The following ASMTL variants were observed in gnomAD, a reference collection of about 807,000 sequenced individuals.
ASMTL encodes the protein probable bifunctional dTTP/UTP pyrophosphatase/methyltransferase protein.
Under a neutral mutation model 60.3 loss-of-function variants are expected in ASMTL, and 57 were observed. That is an observed-to-expected ratio of 0.95 (90% CI 0.76 to 1.18). The LOEUF (loss-of-function observed/expected upper bound fraction) is 1.18, where lower values mean the gene tolerates loss of function less well. ASMTL is among the 50% of genes most tolerant of loss of function. ASMTL has a pLI of 0.00. For synonymous variants in ASMTL, 419 were observed against 373.0 expected (o/e 1.12, Z -1.42); for missense variants, 981 against 852.6 (o/e 1.15, Z -1.88).
rs1464623390 is a variant in ASMTL, at chrX:1,403,303, A to G, written c.1832T>C (p.Leu611Pro). The G allele has an allele frequency of 6.2e-7, 1 of 1,613,138 alleles. No homozygotes were observed. The change falls in exon 13 of 13, where the codon CTG becomes CCG. Residue 611 changes from leucine (L) to proline (P), a missense_variant. Leu to Pro is a moderately conservative substitution (Grantham distance 98, BLOSUM62 -3). Transcript: ENST00000381317. The part of the protein sequence containing the change: ...QVQVVHLGGV[L>P]DAILATKVAP ...CACTTTGGTGGCCAAGATGGCATCC[A>G]GGACACCCCCCAAGTGCACCACCTG...
chrX:1,423,015 C>T (rs1210593197), intron 8 of ASMTL, among the ~76,000 whole-genome samples: 14 of 152,048 alleles, frequency 9.2e-5, no homozygotes, highest in Non-Finnish European at 1.5e-4. Context: ...TGCAGTGGCA[C>T]GATCTCAGCT....
chrX:1,452,863 C>T lies in ASMTL; in HGVS notation c.-23G>A, dbSNP rs766193145. 11 of 1,536,874 alleles carry T rather than the reference C, an allele frequency of 7.2e-6. No individual in the cohort carries two copies. The highest frequency in any genetic ancestry group is 7.2e-5 in the South Asian group (6 of 83,862). Reference sequence around the variant, plus strand: ...CATGGCGTCCACGCCGGGAGCCGGGCGTCCGCACTTCTGAGCCCGGAGCCC... The same window carrying T: ...CATGGCGTCCACGCCGGGAGCCGGGTGTCCGCACTTCTGAGCCCGGAGCCC... On this transcript the variant is annotated 5_prime_UTR_variant, in exon 1 of 13. Transcript: ENST00000381317.
intron 2 of ASMTL, among the ~76,000 whole-genome samples, chrX:1,439,768 G>A (rs774001455): frequency 2.6e-5 from 4 of 151,176 alleles, no homozygotes; most frequent in African/African-American, 7.3e-5. Context: ...CCTAGGAGGC[G>A]GAGGTTGCAG....
chrX:1,404,385 ATGGG>A (rs1489513905), intron 12 of ASMTL, among the ~76,000 whole-genome samples: 1 of 147,216 alleles, frequency 6.8e-6, no homozygotes, highest in Non-Finnish European at 1.5e-5. Flanking sequence ...ATGGTAGATG[ATGGG>A]TAGGTAGGTG....
At chrX:1,406,427 AGATG>A (rs1433657889) in intron 12 of ASMTL, among the ~76,000 whole-genome samples, 96 of 147,892 alleles carry the variant, frequency 6.5e-4, no homozygotes, top group Non-Finnish European at 1.1e-3. Context: ...TGCATGGATG[AGATG>A]GATGGAGGGA....
At chrX:1,405,843 ATAGG>A (rs1322819654) in intron 12 of ASMTL, among the ~76,000 whole-genome samples, 3 of 139,566 alleles carry the variant, frequency 2.1e-5, no homozygotes, top group Admixed American at 7.1e-5. Context: ...TGATGGGTAC[ATAGG>A]TAGATGGATG....
At chrX:1,413,054 C>T (rs189542436) in intron 11 of ASMTL, 200 bp from the exon 12 acceptor site, 337 of 619,852 alleles carry the variant, frequency 5.4e-4, no homozygotes, top group African/African-American at 3.6e-3. Flanking sequence ...ATGTCACGCC[C>T]GTGCGGTTTG....
intron 6 of ASMTL, among the ~76,000 whole-genome samples, chrX:1,431,210 TTAA>T (rs1256094319): frequency 2.6e-5 from 3 of 115,756 alleles, no homozygotes; most frequent in African/African-American, 9.4e-5. Context: ...TCATTTATAA[TTAA>T]TTATATATAA....
intron 2 of ASMTL, 184 bp downstream of exon 2, chrX:1,442,001 AT>A: frequency 1.5e-6 from 1 of 664,982 alleles, no homozygotes; most frequent in Non-Finnish European, 2.7e-6. Context: ...TTAATTCTGT[AT>A]CATTAATGGT....
intron 6 of ASMTL, among the ~76,000 whole-genome samples, chrX:1,429,870 A>G (rs770801397): frequency 6.6e-6 from 1 of 152,242 alleles, no homozygotes; most frequent in African/African-American, 2.4e-5. Flanking sequence ...CAAGCCAATT[A>G]TCCCATCGAG....
intron 3 of ASMTL, among the ~76,000 whole-genome samples, chrX:1,436,261 C>T (rs1229602346): frequency 6.6e-6 from 1 of 152,212 alleles, no homozygotes; most frequent in Non-Finnish European, 1.5e-5. Context: ...GCAACCTCCG[C>T]CTCCGGGGTT....
intron 3 of ASMTL, among the ~76,000 whole-genome samples, chrX:1,437,703 C>T (rs1183553071): frequency 2.0e-5 from 3 of 151,426 alleles, no homozygotes; most frequent in Non-Finnish European, 2.9e-5. Context: ...CGAGACCATC[C>T]TGGCCAACAT....
In ASMTL at chrX:1,406,919, A is replaced by G. The variant is rs868733894; in HGVS notation, c.1646-3430T>C. Reference sequence around the variant, plus strand: ...TAGATGATGGGTACATAGATAGATGAATAGATGGATGCATGGATGAGATGG... The same window carrying G: ...TAGATGATGGGTACATAGATAGATGGATAGATGGATGCATGGATGAGATGG... On this transcript the variant is annotated intron_variant, in intron 12 of 12. Transcript: ENST00000381317. Among the ~76,000 whole-genome samples the G allele has an allele frequency of 1.8e-3, 247 of 138,130 alleles. 1 individual carries two copies. The highest frequency in any genetic ancestry group is 6.5e-3 in the African/African-American group (232 of 35,462). 90.6% of individuals were successfully genotyped at this position (138,130 alleles called of 152,430 possible). A position where few individuals can be genotyped will look rare whatever the true frequency, so the allele number is the denominator to read the frequency against.
At chrX:1,444,973 T>TCTCTTCGTCCGTCTTCTTCC (rs1172116369) in intron 1 of ASMTL, among the ~76,000 whole-genome samples, 2 of 152,124 alleles carry the variant, frequency 1.3e-5, no homozygotes, top group African/African-American at 4.8e-5. Context: ...CGTCTTCCTC[T>TCTCTTCGTCCGTCTTCTTCC]CTCTTCGTCC....
rs2090399104 is a variant in ASMTL, at chrX:1,419,062, T to C, written c.1298A>G (p.His433Arg). The C allele has an allele frequency of 6.2e-7, 1 of 1,611,274 alleles. No individual in the cohort carries two copies. The highest frequency in any genetic ancestry group is 1.7e-5 in the Admixed American group (1 of 59,856). ...GCACGCAGTCAGCTTCGTCATGCCG[T>C]GCATGGCCCGCATGAACCTCAGCCG... Reference protein sequence around the residue: ...ETRLRFMRAMHGMTKLTACQV... With the variant: ...ETRLRFMRAMRGMTKLTACQV... Residue 433 changes from histidine (H) to arginine (R), a missense_variant, in exon 10 of 13, where the codon CAC becomes CGC. By Grantham distance (29) the His-to-Arg change is conservative. Transcript: ENST00000381317.
At chrX:1,414,180 A>C (rs867369922) in intron 11 of ASMTL, among the ~76,000 whole-genome samples, 2 of 139,040 alleles carry the variant, frequency 1.4e-5, no homozygotes, top group Non-Finnish European at 3.2e-5. Context: ...GCCCAGGGAC[A>C]CCCGGAGCCC....
At chrX:1,414,272 C>T (rs6645284) in intron 11 of ASMTL, among the ~76,000 whole-genome samples, 41,215 of 151,950 alleles carry the variant, frequency 0.27, 5,772 homozygotes, top group Non-Finnish European at 0.29. Context: ...GATCTCAGAC[C>T]TCCGGTCTGC....
intron 1 of ASMTL, among the ~76,000 whole-genome samples, chrX:1,445,633 T>C (rs28442143): frequency 0.88 from 133,212 of 152,062 alleles, 58,325 homozygotes; most frequent in East Asian, 0.94. Context: ...ACCCAGGTGC[T>C]GAGGCAAGAG....
chrX:1,416,756 C>T (rs1315244067), intron 11 of ASMTL, among the ~76,000 whole-genome samples: 8 of 119,484 alleles, frequency 6.7e-5, no homozygotes, highest in Non-Finnish European at 1.4e-4. Flanking sequence ...CATGCACACA[C>T]AGACACATGC....
Sources: gnomAD v4.1 joint callset for allele counts (sites outside exome capture counted in the v4.1 genomes callset) on GRCh38, gnomAD v4.1.1 for gene constraint, MANE v1.5 for transcripts, NCBI Gene and HGNC (gene_info 2026-07-23, HGNC 2026-07-21) for gene names.